OSBP2: variants seen among roughly 807,000 people sequenced by gnomAD.
OSBP2 encodes oxysterol-binding protein 2.
In OSBP2, 66 loss-of-function variants were observed where a neutral mutation model predicts 96.0. That is an observed-to-expected ratio of 0.69 (90% CI 0.56 to 0.84). The LOEUF is 0.84. OSBP2 is among the 40% of genes least tolerant of loss of function. OSBP2 has a pLI of 0.00. For missense variants in OSBP2, 1,038 were observed against 1,222.7 expected, an observed-to-expected ratio of 0.85 and a Z score of 2.25; for synonymous variants, 525 against 520.9, an observed-to-expected ratio of 1.01 and a Z score of -0.11.
rs141885213 is a variant in OSBP2 at position 30,809,173 on chromosome 22, C to T, written c.854-61256C>T. On this transcript the variant is annotated intron_variant, in intron 2 of 13. Coordinates refer to ENST00000332585, the MANE Select transcript of OSBP2 (RefSeq NM_030758.4). ...GCCTTGCTGACACCTTGATTTTAGACATCCGGCCTCCAGAACGGCAAGCAG... is the reference window on the plus strand; with the variant it reads ...GCCTTGCTGACACCTTGATTTTAGATATCCGGCCTCCAGAACGGCAAGCAG... 1.3e-3 allele frequency among the ~76,000 whole-genome samples: 195 copies of T among 152,298 alleles called. 1 individual carries two copies. Among genetic ancestry groups the T allele is most frequent in the African/African-American group, 4.6e-3 (190 of 41,552 alleles).
chr22:30,730,624 A>G (rs981869763), intron 1 of OSBP2, among the ~76,000 whole-genome samples: 2 of 150,196 alleles, frequency 1.3e-5, no homozygotes, highest in Non-Finnish European at 3.0e-5. Flanking sequence ...TTGAGCTTGC[A>G]TTGAATGGAA....
chr22:30,779,572 T>C (rs1217090658), intron 2 of OSBP2, among the ~76,000 whole-genome samples: 1 of 152,122 alleles, frequency 6.6e-6, no homozygotes, highest in East Asian at 1.9e-4. Context: ...TATGGTCACC[T>C]AGCACATTCC....
chr22:30,893,477 G>A lies in OSBP2; in HGVS notation c.2005G>A (p.Glu669Lys), dbSNP rs759374438. 31 of 1,613,944 alleles carry A rather than the reference G, an allele frequency of 1.9e-5. No individual in the cohort carries two copies. In the Admixed American group the frequency reaches 2.0e-4, roughly 10 times the overall value. ...CCTGCCTCCAGGTGCCATCCACTTA[G>A]AATTCCAGGCCAGTGGGAATCACTA... ...SIMPLGAIHL[E>K]FQASGNHYVW... Residue 669 changes from glutamate (E) to lysine (K), a missense_variant, in exon 10 of 14, where the codon GAA (glutamate) becomes AAA (lysine). By Grantham distance (56) the Glu-to-Lys change is moderately conservative. Coordinates refer to ENST00000332585, the MANE Select transcript of OSBP2 (RefSeq NM_030758.4).
At chr22:30,694,467 A>G (rs1287497155), upstream of OSBP2, 61 of 1,256,400 alleles carry the variant, frequency 4.9e-5, no homozygotes, top group Middle Eastern at 2.8e-4. Context: ...GGTGGCGGAG[A>G]GCGAACCCAC....
chr22:30,776,534 T>C (rs2090440180), intron 2 of OSBP2, among the ~76,000 whole-genome samples: 1 of 152,168 alleles, frequency 6.6e-6, no homozygotes, highest in Admixed American at 6.5e-5. Flanking sequence ...ATTCTGGTTG[T>C]TGGCAATATT....
intron 3 of OSBP2, chr22:30,872,417 G>A: frequency 2.2e-6 from 1 of 456,124 alleles, no homozygotes; most frequent in Non-Finnish European, 4.4e-6. Flanking sequence ...GTCTCAGCTG[G>A]CTGCCGTCTT....
At chr22:30,821,466 A>C (rs1013375977) in intron 2 of OSBP2, among the ~76,000 whole-genome samples, 2 of 152,140 alleles carry the variant, frequency 1.3e-5, no homozygotes, top group African/African-American at 4.8e-5. Context: ...CTGGATGTGG[A>C]TCTAAGAGAC....
intron 2 of OSBP2, chr22:30,822,591 T>A (rs2038299838): frequency 6.6e-7 from 1 of 1,522,830 alleles, no homozygotes; most frequent in Non-Finnish European, 8.8e-7. Context: ...CCCGGCGCCA[T>A]GTAGCGCCCC....
chr22:30,778,968 A>G (rs1419696800), intron 2 of OSBP2, among the ~76,000 whole-genome samples: 1 of 151,240 alleles, frequency 6.6e-6, no homozygotes, highest in Non-Finnish European at 1.5e-5. Context: ...CCTGGGAGGC[A>G]GAGGTTGCAG....
rs1426818536 is a variant in OSBP2, at chr22:30,906,065, G to A, written c.2604G>A (p.Glu868=). Residue 868 remains glutamate (E), a synonymous_variant, in exon 13 of 14, where the codon GAG becomes GAA. Coordinates refer to ENST00000332585, the MANE Select transcript of OSBP2 (RefSeq NM_030758.4). ...GGCCGGGCAGCAGCTGCAGCTCGGAGGAAGGTGAGGCCGGGCGGGAAGGGC... is the reference window on the plus strand; with the variant it reads ...GGCCGGGCAGCAGCTGCAGCTCGGAAGAAGGTGAGGCCGGGCGGGAAGGGC... The part of the protein sequence containing the change: ...ACGPGSSCSS[E]EEKEADAYTP... 2 of 1,568,122 alleles carry A rather than the reference G, an allele frequency of 1.3e-6. No homozygotes were observed. Among genetic ancestry groups the A allele is most frequent in the South Asian group, 1.2e-5 (1 of 86,064 alleles).
rs770060182 is a variant in OSBP2, at chr22:30,906,296, C to G, written c.2708C>G (p.Ala903Gly). 1.2e-6 allele frequency: 2 copies of G among 1,613,546 alleles called. No homozygotes were observed. The highest frequency in any genetic ancestry group is 1.7e-6 in the Non-Finnish European group (2 of 1,179,674). The change falls in exon 14 of 14, where the codon GCC becomes GGC. Residue 903 changes from alanine (A) to glycine (G), a missense_variant. Around this residue, in one of 3 missense-constraint regions of OSBP2, gnomAD observed 737 missense variants for 913.3 expected, o/e 0.81. Transcript: ENST00000332585. ...ACVYKGGYWE[A>G]KEKQDWHMCP... ...GTGTACAAGGGCGGCTACTGGGAGG[C>G]CAAGGAGAAGCAAGACTGGCATATG...
At chr22:30,843,551 G>C (rs771310762) in intron 2 of OSBP2, among the ~76,000 whole-genome samples, 3 of 151,632 alleles carry the variant, frequency 2.0e-5, no homozygotes, top group Admixed American at 6.6e-5. Flanking sequence ...TCCATTTATA[G>C]AGCATAGGCC....
At chr22:30,893,605 G>C (rs1351013146) in intron 10 of OSBP2, 33 bp from the exon 11 acceptor site, 1 of 1,613,182 alleles carries the variant, frequency 6.2e-7, no homozygotes, top group Admixed American at 1.7e-5. Context: ...ATGGCCCGGG[G>C]GCTGGCCGCT....
rs142465145 is a variant in OSBP2, at chr22:30,778,792, T to C, written c.853+37423T>C. 4.9e-3 allele frequency among the ~76,000 whole-genome samples: 738 copies of C among 152,008 alleles called. 8 individuals carry two copies. The highest frequency in any genetic ancestry group is 0.017 in the African/African-American group (712 of 41,498). ...GGCTCACCCCTGTAATCCCAACACT[T>C]TGGAAGGCTGAGGCCGGTTGGTCAC... On this transcript the variant is annotated intron_variant, in intron 2 of 13. Transcript: ENST00000332585.
chr22:30,721,211 G>A (rs1195187518), intron 1 of OSBP2, among the ~76,000 whole-genome samples: 1 of 152,120 alleles, frequency 6.6e-6, no homozygotes, highest in Non-Finnish European at 1.5e-5. Flanking sequence ...GGGTGACAGA[G>A]GGAGACTCCA....
At chr22:30,882,430 C>A (rs1172669929) in intron 3 of OSBP2, among the ~76,000 whole-genome samples, 1 of 151,984 alleles carries the variant, frequency 6.6e-6, no homozygotes, top group Non-Finnish European at 1.5e-5. Context: ...CCTGGCCCTA[C>A]ACACACCTCC....
At chr22:30,812,196 C>T (rs1217261053) in intron 2 of OSBP2, among the ~76,000 whole-genome samples, 4 of 151,652 alleles carry the variant, frequency 2.6e-5, no homozygotes, top group East Asian at 1.9e-4. Flanking sequence ...GAGACAGCCT[C>T]GCTCTGTCGC....
chr22:30,861,591 C>T (rs1033135593), intron 2 of OSBP2, among the ~76,000 whole-genome samples: 5 of 152,192 alleles, frequency 3.3e-5, no homozygotes, highest in South Asian at 2.1e-4. Flanking sequence ...TAGATCCTGA[C>T]GTGCCTTCCA....
At chr22:30,767,229 G>A (rs2090286459) in intron 2 of OSBP2, among the ~76,000 whole-genome samples, 1 of 151,066 alleles carries the variant, frequency 6.6e-6, no homozygotes, top group South Asian at 2.1e-4. Flanking sequence ...AGAATTGCTT[G>A]AGCCTGGGAG....
Sources: allele counts gnomAD v4.1 joint callset (sites outside exome capture counted in the v4.1 genomes callset), GRCh38; gene constraint gnomAD v4.1.1; regional missense constraint gnomAD v4.1.1; transcripts MANE v1.5; gene names NCBI Gene and HGNC (gene_info 2026-07-23, HGNC 2026-07-21).